Variants in SCN10A observed in about 807,000 individuals in gnomAD.
SCN10A encodes sodium channel protein type 10 subunit alpha.
A neutral mutation model predicts 170.7 loss-of-function variants in SCN10A; 162 were observed. The observed-to-expected ratio is 0.95, with a 90% CI of 0.84 to 1.08. The LOEUF (loss-of-function observed/expected upper bound fraction) is 1.08. SCN10A is among the 50% of genes least tolerant of loss of function. SCN10A has a pLI of 0.00. For missense variants in SCN10A, 2,527 were observed against 2,436.9 expected (o/e 1.04, Z -0.78); for synonymous variants, 985 against 904.6 (o/e 1.09, Z -1.59).
chr3:38,782,792 G>T (rs981230518), intron 4 of SCN10A, among the ~76,000 whole-genome samples: 3 of 151,634 alleles, frequency 2.0e-5, no homozygotes, highest in Non-Finnish European at 4.4e-5. Context: ...AAAAATTATT[G>T]GGTTTTTATT....
intron 14 of SCN10A, among the ~76,000 whole-genome samples, chr3:38,741,438 G>C (rs900193943): frequency 6.6e-6 from 1 of 152,192 alleles, no homozygotes; most frequent in Admixed American, 6.5e-5. Context: ...ATCTTGGGAA[G>C]ATTATTTAAC....
chr3:38,716,286 G>A (rs2063332994), intron 21 of SCN10A, among the ~76,000 whole-genome samples: 1 of 152,002 alleles, frequency 6.6e-6, no homozygotes, highest in African/African-American at 2.4e-5. Context: ...ATCTTATCTT[G>A]AATTCCCATG....
intron 21 of SCN10A, among the ~76,000 whole-genome samples, chr3:38,716,802 T>C (rs974228370): frequency 6.6e-6 from 1 of 151,502 alleles, no homozygotes; most frequent in African/African-American, 2.4e-5. Context: ...GACTAATGCA[T>C]GAATGGAAAG....
intron 4 of SCN10A, among the ~76,000 whole-genome samples, chr3:38,785,363 C>CAAA (rs2126053549): frequency 6.6e-6 from 1 of 152,208 alleles, no homozygotes; most frequent in South Asian, 2.1e-4. Context: ...ACAAACTTGA[C>CAAA]AAAAGCAAGC....
intron 20 of SCN10A, among the ~76,000 whole-genome samples, chr3:38,719,385 T>TC: frequency 7.1e-5 from 3 of 42,328 alleles, no homozygotes; most frequent in Non-Finnish European, 8.4e-5. Context: ...TTTTTTTTTT[T>TC]TTTTTTTTTT....
rs2125980570 is a variant in SCN10A at position 38,698,533 on chromosome 3, G to C, written c.4687C>G (p.Leu1563Val). Residue 1563 changes from leucine to valine, a missense_variant, in exon 28 of 28, where the codon CTT (leucine) becomes GTT (valine). By Grantham distance (32) the Leu-to-Val change is conservative. Transcript: ENST00000449082. ...AGCGTTGGGGAGAAGTAACTTTGAA[G>C]TGACTTAAGAATTGCAGAAAAAATC... Reference protein sequence around the residue: ...SLIFSAILKSLQSYFSPTLFR... With the variant: ...SLIFSAILKSVQSYFSPTLFR... 6.2e-7 allele frequency: 1 copy of C among 1,613,432 alleles called. No individual in the cohort carries two copies. Among genetic ancestry groups the C allele is most frequent in the Non-Finnish European group, 8.5e-7 (1 of 1,179,412 alleles).
chr3:38,767,611 A>G (rs965343101), intron 5 of SCN10A, among the ~76,000 whole-genome samples: 1 of 152,146 alleles, frequency 6.6e-6, no homozygotes, highest in African/African-American at 2.4e-5. Context: ...GATACCTGAC[A>G]TAATTTCTAT....
chr3:38,778,078 A>G lies in SCN10A; in HGVS notation c.471-6671T>C, dbSNP rs1036465733. Among the ~76,000 whole-genome samples, 6 of 152,238 alleles carry G rather than the reference A, an allele frequency of 3.9e-5. No homozygotes were observed. In the South Asian group the frequency reaches 1.2e-3, roughly 31 times the overall value. The stretch of plus-strand genomic sequence containing the variant: ...ATAATTTTAAAACATCAGATAAAGC[A>G]CACATATAAAATGATAACAGTTCCA... On this transcript the variant is annotated intron_variant, in intron 4 of 27. Coordinates refer to ENST00000449082, the MANE Select transcript of SCN10A (RefSeq NM_006514.4).
At chr3:38,812,578 G>A (rs557797333) in intron 1 of SCN10A, among the ~76,000 whole-genome samples, 2 of 152,222 alleles carry the variant, frequency 1.3e-5, no homozygotes, top group East Asian at 3.9e-4. Flanking sequence ...TAGAAAACGA[G>A]AAGACTCTCC....
intron 25 of SCN10A, among the ~76,000 whole-genome samples, chr3:38,709,239 G>T (rs1253699157): frequency 6.6e-6 from 1 of 152,192 alleles, no homozygotes; most frequent in African/African-American, 2.4e-5. Flanking sequence ...TTCCAGTTGG[G>T]AAGACCAAGA....
At chr3:38,803,999 A>G (rs1325747711) in intron 1 of SCN10A, among the ~76,000 whole-genome samples, 1 of 152,024 alleles carries the variant, frequency 6.6e-6, no homozygotes, top group Non-Finnish European at 1.5e-5. Flanking sequence ...TTGGACTGCT[A>G]TTATATCTTC....
At chr3:38,761,491 T>C (rs1440977914) in intron 6 of SCN10A, 108 bp from the exon 7 acceptor site, 2 of 932,442 alleles carry the variant, frequency 2.1e-6, no homozygotes, top group Non-Finnish European at 3.2e-6. Context: ...GAGTGAAGTA[T>C]GTACACACTC....
chr3:38,725,080 T>C, intron 18 of SCN10A, 94 bp downstream of exon 18: 2 of 1,231,270 alleles, frequency 1.6e-6, no homozygotes, highest in Non-Finnish European at 2.2e-6. Context: ...CAGTCTGGAA[T>C]ACCCCACCTT....
chr3:38,795,279 T>G (rs1039769274), intron 1 of SCN10A, among the ~76,000 whole-genome samples: 2 of 152,044 alleles, frequency 1.3e-5, no homozygotes, highest in African/African-American at 4.8e-5. Flanking sequence ...TACAAGAGAT[T>G]GCCTTGTGGC....
intron 4 of SCN10A, among the ~76,000 whole-genome samples, chr3:38,786,748 C>T (rs1003762441): frequency 6.6e-6 from 1 of 152,064 alleles, no homozygotes; most frequent in Non-Finnish European, 1.5e-5. Flanking sequence ...AGTGAGATTC[C>T]TAATTCTTCA....
intron 4 of SCN10A, among the ~76,000 whole-genome samples, chr3:38,786,636 G>C (rs1332652939): frequency 6.6e-6 from 1 of 151,960 alleles, no homozygotes; most frequent in Non-Finnish European, 1.5e-5. Flanking sequence ...ATTTAAAAAA[G>C]GGCTTTATAT....
chr3:38,701,383 A>G (rs1052269050), intron 27 of SCN10A, among the ~76,000 whole-genome samples: 1 of 152,094 alleles, frequency 6.6e-6, no homozygotes, highest in Non-Finnish European at 1.5e-5. Flanking sequence ...CCTTTGAACA[A>G]TCTCCTCCCA....
intron 24 of SCN10A, 111 bp from the exon 25 acceptor site, chr3:38,709,726 T>C (rs1282580727): frequency 1.0e-6 from 1 of 975,424 alleles, no homozygotes; most frequent in Non-Finnish European, 1.5e-6. Flanking sequence ...ATCTGGGAGG[T>C]GATCCAAGGA....
intron 13 of SCN10A, among the ~76,000 whole-genome samples, chr3:38,748,643 T>C (rs1265769866): frequency 6.6e-6 from 1 of 152,088 alleles, no homozygotes; most frequent in Non-Finnish European, 1.5e-5. Context: ...CTAGTTTCCC[T>C]CTATGGGTCT....
Sources: allele counts gnomAD v4.1 joint callset (sites outside exome capture counted in the v4.1 genomes callset), GRCh38; gene constraint gnomAD v4.1.1; transcripts MANE v1.5; gene names NCBI Gene and HGNC (gene_info 2026-07-23, HGNC 2026-07-21).